FBXO36: variants seen among roughly 807,000 people sequenced by gnomAD.
FBXO36 encodes F-box protein 36, also known as F-box only protein 36.
In FBXO36, 18 loss-of-function variants were observed where a neutral mutation model predicts 17.0. The ratio of observed to expected loss-of-function variants is 1.06; its 90% CI spans 0.73 to 1.57. The LOEUF is 1.57. Among genes scored for constraint, FBXO36 ranks in the 40% most tolerant of loss-of-function variants. The pLI is 0.00. For synonymous variants in FBXO36, 83 were observed against 85.3 expected (o/e 0.97, Z 0.15); for missense variants, 229 against 221.9 (o/e 1.03, Z -0.20).
intron 1 of FBXO36, among the ~76,000 whole-genome samples, chr2:229,932,230 A>G (rs2076942346): frequency 6.6e-6 from 1 of 152,080 alleles, no homozygotes; most frequent in Non-Finnish European, 1.5e-5. Flanking sequence ...AAATACAAAA[A>G]TTAGCCAGGG....
chr2:230,000,005 AT>A (rs2077349985), intron 3 of FBXO36, among the ~76,000 whole-genome samples: 1 of 152,022 alleles, frequency 6.6e-6, no homozygotes, highest in Middle Eastern at 3.2e-3. Context: ...TATTGTATAT[AT>A]TTTTGCCATT....
intron 1 of FBXO36, among the ~76,000 whole-genome samples, chr2:229,936,993 A>G (rs1238266061): frequency 6.6e-6 from 1 of 152,186 alleles, no homozygotes; most frequent in East Asian, 1.9e-4. Flanking sequence ...TCTCCATATT[A>G]CATCTAACAT....
chr2:229,925,177 C>CAT (rs2076905298), intron 1 of FBXO36, among the ~76,000 whole-genome samples: 1 of 151,574 alleles, frequency 6.6e-6, no homozygotes, highest in Non-Finnish European at 1.5e-5. Context: ...CTGTCAGTTA[C>CAT]ATATATATAA....
rs999915780 is a variant in FBXO36, at chr2:230,011,738, A to G, written c.*854A>G. 3 of 151,690 alleles carry G rather than the reference A, an allele frequency of 2.0e-5. No individual in the cohort carries two copies. Among genetic ancestry groups the G allele is most frequent in the African/African-American group, 7.3e-5 (3 of 41,288 alleles). The allele number at this position is 151,690 out of a possible 1,614,324, so 9.4% of individuals were successfully genotyped here. A position where few individuals can be genotyped will look rare whatever the true frequency, so the allele number is the denominator to read the frequency against. On this transcript the variant is annotated 3_prime_UTR_variant, in exon 4 of 4. Transcript: ENST00000283946. ...GCTGGGATTACAGGCATGAGCCACT[A>G]TGTCTGGCTAAAACCTATAAACATT...
At chr2:229,931,320 G>C (rs2076937400) in intron 1 of FBXO36, among the ~76,000 whole-genome samples, 2 of 152,200 alleles carry the variant, frequency 1.3e-5, no homozygotes, top group South Asian at 4.2e-4. Context: ...CTCAATCTGG[G>C]CAGTTAATTT....
At chr2:230,003,537 C>CT (rs11307090) in intron 3 of FBXO36, among the ~76,000 whole-genome samples, 12 of 145,864 alleles carry the variant, frequency 8.2e-5, no homozygotes, top group Admixed American at 1.4e-4. Flanking sequence ...TGTTCTTCTT[C>CT]TTTTTTTTTT....
Position 230,009,995 on chromosome 2 carries a change from C to T in FBXO36, c.379-701C>T, listed in dbSNP as rs180997897. On this transcript the variant is annotated intron_variant, in intron 3 of 3. Coordinates refer to ENST00000283946, the MANE Select transcript of FBXO36 (RefSeq NM_174899.5). ...AAATAGATAAGGCTGGGCACAGTGG[C>T]TCACGCCTGTAATCCCAGCACTTTG... Among the ~76,000 whole-genome samples the T allele has an allele frequency of 4.3e-4, 66 of 152,004 alleles. 1 individual carries two copies. The East Asian group carries it at 0.013, about 29-fold the overall frequency.
chr2:229,977,458 G>GT (rs1198492908), intron 2 of FBXO36, among the ~76,000 whole-genome samples: 1,695 of 150,478 alleles, frequency 0.011, 23 homozygotes, highest in African/African-American at 0.033. Context: ...TTTGTTTTTT[G>GT]TTTTTTTTTG....
rs546493276 is a variant in FBXO36, at chr2:229,938,008, C to G, written c.96+15399C>G. On this transcript the variant is annotated intron_variant, in intron 1 of 3. Coordinates refer to ENST00000283946, the MANE Select transcript of FBXO36 (RefSeq NM_174899.5). ...TTTTTAGACAGTCTCACGCTGTCGC[C>G]CCAGGGTGGAGTGCAGTGGAGCGAT... 2.0e-5 allele frequency: 3 copies of G among 152,492 alleles called. No homozygotes were observed. In the East Asian group the frequency reaches 5.8e-4, roughly 29 times the overall value. 9.4% of individuals were successfully genotyped at this position (152,492 alleles called of 1,614,324 possible). A position where few individuals can be genotyped will look rare whatever the true frequency, so the allele number is the denominator to read the frequency against.
At chr2:230,005,920 G>A (rs370842979) in intron 3 of FBXO36, among the ~76,000 whole-genome samples, 5 of 152,002 alleles carry the variant, frequency 3.3e-5, no homozygotes, top group East Asian at 3.9e-4. Flanking sequence ...TGCCTACCTC[G>A]GCCTCCCAAA....
At chr2:230,008,955 C>A (rs751073364) in intron 3 of FBXO36, among the ~76,000 whole-genome samples, 8 of 152,200 alleles carry the variant, frequency 5.3e-5, no homozygotes, top group Non-Finnish European at 8.8e-5. Flanking sequence ...ACTATAATAG[C>A]TGTTGTGTTG....
chr2:230,004,583 A>G (rs1193504643), intron 3 of FBXO36, among the ~76,000 whole-genome samples: 2 of 152,206 alleles, frequency 1.3e-5, no homozygotes, highest in Non-Finnish European at 2.9e-5. Context: ...ATGTAGAACC[A>G]TATGTGTGTG....
chr2:230,009,679 T>C (rs1243165942), intron 3 of FBXO36, among the ~76,000 whole-genome samples: 3 of 152,232 alleles, frequency 2.0e-5, no homozygotes, highest in Non-Finnish European at 4.4e-5. Flanking sequence ...GCACGGTGGC[T>C]CACGCCTGTA....
intron 1 of FBXO36, among the ~76,000 whole-genome samples, chr2:229,933,694 T>C (rs917340609): frequency 1.3e-5 from 2 of 152,094 alleles, no homozygotes; most frequent in Non-Finnish European, 2.9e-5. Flanking sequence ...CTCTATGTTG[T>C]TATTTTTTTG....
intron 1 of FBXO36, among the ~76,000 whole-genome samples, chr2:229,975,426 A>G (rs1477748427): frequency 6.6e-6 from 1 of 151,768 alleles, no homozygotes; most frequent in Non-Finnish European, 1.5e-5. Context: ...GAAACAGATA[A>G]CCATTTGGCT....
At chr2:229,938,147 T>TTTGTAGAGATGGGG (rs1646970675) in intron 1 of FBXO36, among the ~76,000 whole-genome samples, 1 of 151,568 alleles carries the variant, frequency 6.6e-6, no homozygotes, top group Non-Finnish European at 1.5e-5. Flanking sequence ...TTTTGTATTT[T>TTTGTAGAGATGGGG]TTGTAGAGAT....
chr2:229,932,370 A>AT (rs1474499748), intron 1 of FBXO36, among the ~76,000 whole-genome samples: 3 of 152,108 alleles, frequency 2.0e-5, no homozygotes, highest in Non-Finnish European at 4.4e-5. Context: ...AAAGTACAAA[A>AT]TTAGCCTGGT....
chr2:229,939,494 C>T (rs1394742131), intron 1 of FBXO36, among the ~76,000 whole-genome samples: 2 of 151,784 alleles, frequency 1.3e-5, no homozygotes, highest in African/African-American at 2.4e-5. Flanking sequence ...ACCTGTAATC[C>T]CAGCTATTCG....
chr2:229,961,830 CT>C (rs1416427637), intron 1 of FBXO36, among the ~76,000 whole-genome samples: 2 of 152,024 alleles, frequency 1.3e-5, no homozygotes, highest in East Asian at 3.9e-4. Context: ...TATAAAATGC[CT>C]CTCAATTTGT....
Sources: gnomAD v4.1 joint callset for allele counts (sites outside exome capture counted in the v4.1 genomes callset) on GRCh38, gnomAD v4.1.1 for gene constraint, MANE v1.5 for transcripts, NCBI Gene and HGNC (gene_info 2026-07-23, HGNC 2026-07-21) for gene names.